Variants in NCALD observed in about 807,000 individuals in gnomAD.
NCALD encodes neurocalcin delta.
Under a neutral mutation model 18.6 loss-of-function variants are expected in NCALD, and 10 were observed. The observed-to-expected ratio is 0.54, with a 90% CI of 0.33 to 0.91. The LOEUF (loss-of-function observed/expected upper bound fraction) is 0.91. NCALD is among the 40% of genes least tolerant of loss of function. NCALD has a pLI of 0.03. For synonymous variants in NCALD, 88 were observed against 87.4 expected (o/e 1.01, Z -0.04); for missense variants, 184 against 247.6 (o/e 0.74, Z 1.72).
At chr8:101,947,101 C>T (rs1442433343) in intron 2 of NCALD, among the ~76,000 whole-genome samples, 2 of 152,284 alleles carry the variant, frequency 1.3e-5, no homozygotes, top group African/African-American at 4.8e-5. Flanking sequence ...TGGAACATGG[C>T]TTTATCAGCA....
intron 2 of NCALD, among the ~76,000 whole-genome samples, chr8:101,709,376 G>A (rs997440905): frequency 6.6e-6 from 1 of 152,086 alleles, no homozygotes; most frequent in African/African-American, 2.4e-5. Context: ...CTTTATCTTT[G>A]CTTCAGGTAC....
At chr8:101,851,132 T>C (rs1210811968) in intron 4 of NCALD, among the ~76,000 whole-genome samples, 2 of 152,232 alleles carry the variant, frequency 1.3e-5, no homozygotes, top group African/African-American at 4.8e-5. Context: ...AAAAACCTGT[T>C]ATCCCTGGAG....
At chr8:101,931,032 G>A (rs558705317) in intron 2 of NCALD, among the ~76,000 whole-genome samples, 1 of 152,240 alleles carries the variant, frequency 6.6e-6, no homozygotes, top group Non-Finnish European at 1.5e-5. Flanking sequence ...ATAAGCAGAG[G>A]CGAAAGCTGT....
intron 2 of NCALD, among the ~76,000 whole-genome samples, chr8:102,005,927 G>GC (rs765026464): frequency 1.8e-4 from 27 of 151,820 alleles, no homozygotes; most frequent in Admixed American, 1.0e-3. Context: ...TATACCTAAT[G>GC]TAAATGACGA....
rs1820049083 is a variant in NCALD, at chr8:101,966,770, C to CACAGTCTACCTTAAA, written c.-156-50913_-156-50912insTTTAAGGTAGACTGT. Among the ~76,000 whole-genome samples the CACAGTCTACCTTAAA allele has an allele frequency of 7.2e-5, 11 of 152,150 alleles. No homozygotes were observed. The South Asian group carries it at 2.3e-3, about 32-fold the overall frequency. ...CAGGAGTCTACCTTAAAAGAATAAT[C>CACAGTCTACCTTAAA]AGAGAAGATCACAGAGATTCAGGTG... On this transcript the variant is annotated intron_variant, in intron 2 of 6. Coordinates refer to the NCALD transcript ENST00000311028.
chr8:101,790,412 G>A (rs889755927), intron 1 of NCALD, among the ~76,000 whole-genome samples: 2 of 152,172 alleles, frequency 1.3e-5, no homozygotes, highest in Non-Finnish European at 2.9e-5. Flanking sequence ...TGCTAAATAT[G>A]AATGCTGCAA....
chr8:101,749,582 T>C (rs1264927460), intron 1 of NCALD, among the ~76,000 whole-genome samples: 5 of 152,140 alleles, frequency 3.3e-5, no homozygotes, highest in Non-Finnish European at 7.4e-5. Flanking sequence ...AAAATAGGGA[T>C]AATAATGAGT....
At chr8:102,070,058 G>A (rs998631982) in intron 1 of NCALD, 9 of 151,436 alleles carry the variant, frequency 5.9e-5, no homozygotes, top group African/African-American at 1.9e-4. Context: ...AGGCTGCAGT[G>A]AGCCAATATG....
At chr8:102,005,591 G>A (rs896695629) in intron 2 of NCALD, among the ~76,000 whole-genome samples, 140 of 152,116 alleles carry the variant, frequency 9.2e-4, no homozygotes, top group Non-Finnish European at 8.5e-4. Context: ...TGTTTATTGC[G>A]GCACTATTGA....
chr8:102,099,691 C>T (rs539515435), intron 1 of NCALD, among the ~76,000 whole-genome samples: 2 of 151,836 alleles, frequency 1.3e-5, no homozygotes, highest in South Asian at 4.2e-4. Context: ...CGCCTATAAT[C>T]CCAGGATTTT....
chr8:101,788,445 T>G (rs1175353738), intron 1 of NCALD, among the ~76,000 whole-genome samples: 2 of 152,212 alleles, frequency 1.3e-5, no homozygotes, highest in Admixed American at 1.3e-4. Context: ...TTGTTGTAGA[T>G]ATCCTGAAAT....
At chr8:101,768,898 A>G (rs1004020085) in intron 1 of NCALD, among the ~76,000 whole-genome samples, 1 of 152,122 alleles carries the variant, frequency 6.6e-6, no homozygotes, top group Non-Finnish European at 1.5e-5. Flanking sequence ...GGAAAAAGGG[A>G]TTTTTGCAGA....
chr8:101,891,790 T>C (rs921545779), intron 3 of NCALD, among the ~76,000 whole-genome samples: 5 of 152,112 alleles, frequency 3.3e-5, no homozygotes, highest in East Asian at 3.9e-4. Context: ...CACCCAAATA[T>C]TGCACTTTTC....
At chr8:102,110,406 C>G (rs1282570810) in intron 1 of NCALD, among the ~76,000 whole-genome samples, 1 of 152,160 alleles carries the variant, frequency 6.6e-6, no homozygotes, top group Non-Finnish European at 1.5e-5. Flanking sequence ...TTAGGACAGT[C>G]CCTATTTCTG....
chr8:101,764,087 G>A (rs1811243628), intron 1 of NCALD, among the ~76,000 whole-genome samples: 1 of 151,472 alleles, frequency 6.6e-6, no homozygotes, highest in South Asian at 2.1e-4. Context: ...AGATATTCTA[G>A]TCGAGTAGTA....
intron 4 of NCALD, among the ~76,000 whole-genome samples, chr8:101,800,203 T>C (rs1563781560): frequency 6.6e-6 from 1 of 152,126 alleles, no homozygotes; most frequent in Non-Finnish European, 1.5e-5. Flanking sequence ...AATTAGAATG[T>C]TGTGTGGGAT....
chr8:101,691,039 G>T (rs1205176942), intron 3 of NCALD: 63 of 985,326 alleles, frequency 6.4e-5, no homozygotes, highest in Non-Finnish European at 7.0e-5. Flanking sequence ...CCAGAAGTTA[G>T]ATTCCAAGAG....
At chr8:101,717,208 A>G (rs1223203008) in intron 2 of NCALD, among the ~76,000 whole-genome samples, 1 of 152,244 alleles carries the variant, frequency 6.6e-6, no homozygotes, top group East Asian at 1.9e-4. Context: ...GTTATGAAAT[A>G]CAAAACAATT....
intron 4 of NCALD, among the ~76,000 whole-genome samples, chr8:101,878,076 C>T (rs1335550585): frequency 1.3e-5 from 2 of 152,110 alleles, no homozygotes; most frequent in East Asian, 3.8e-4. Context: ...ACAAATGTTC[C>T]ACGGAAAACT....
Sources: gnomAD v4.1 joint callset for allele counts (sites outside exome capture counted in the v4.1 genomes callset) on GRCh38, gnomAD v4.1.1 for gene constraint, MANE v1.5 for transcripts, NCBI Gene and HGNC (gene_info 2026-07-23, HGNC 2026-07-21) for gene names.